The following ADGRV1 variants were observed in gnomAD, a reference collection of about 807,000 sequenced individuals.
The protein encoded by ADGRV1 is G-protein coupled receptor 98.
ADGRV1 carries 359 observed loss-of-function variants against 596.2 expected under a neutral mutation model. That is an observed-to-expected ratio of 0.60 (90% CI 0.55 to 0.66). ADGRV1 has a LOEUF of 0.66. Ranked by LOEUF, ADGRV1 falls within the 30% of genes least tolerant of loss-of-function variation. The pLI, the probability that ADGRV1 is intolerant of heterozygous loss-of-function variation, is 0.00. For missense variants in ADGRV1, 7,274 were observed against 7,575.6 expected, an observed-to-expected ratio of 0.96 and a Z score of 1.48; for synonymous variants, 2,681 against 2,679.2, an observed-to-expected ratio of 1.00 and a Z score of -0.02.
At chr5:90,579,554 A>G (rs1196161776) in intron 1 of ADGRV1, among the ~76,000 whole-genome samples, 1 of 152,090 alleles carries the variant, frequency 6.6e-6, no homozygotes, top group African/African-American at 2.4e-5. Context: ...AATAAGTGTG[A>G]TGTGGTGCTG....
intron 86 of ADGRV1, among the ~76,000 whole-genome samples, chr5:91,077,925 C>T (rs1788992943): frequency 6.6e-6 from 1 of 152,096 alleles, no homozygotes; most frequent in African/African-American, 2.4e-5. Flanking sequence ...AGGAATGATT[C>T]ATGGATCAGG....
rs150434508 is a variant in ADGRV1, at chr5:90,689,013, G to A, written c.6491-848G>A. Reference sequence around the variant, plus strand: ...GAAGACTGCCTACTTTGATAGTGCCGTCCCAGCATCCAGAGGGAGATTTGC... The same window carrying A: ...GAAGACTGCCTACTTTGATAGTGCCATCCCAGCATCCAGAGGGAGATTTGC... On this transcript the variant is annotated intron_variant, in intron 29 of 89. Transcript: ENST00000405460. Among the ~76,000 whole-genome samples, 439 of 152,218 alleles carry A rather than the reference G, an allele frequency of 2.9e-3. 1 individual carries two copies. Among genetic ancestry groups the A allele is most frequent in the African/African-American group, 9.4e-3 (389 of 41,546 alleles).
chr5:90,832,364 A>C (rs931398866), intron 77 of ADGRV1, among the ~76,000 whole-genome samples: 3 of 152,124 alleles, frequency 2.0e-5, no homozygotes, highest in African/African-American at 4.8e-5. Flanking sequence ...GATGTTGAGC[A>C]CCTTTTCTTA....
chr5:90,748,325 C>T (rs140559860), intron 52 of ADGRV1, among the ~76,000 whole-genome samples: 186 of 152,270 alleles, frequency 1.2e-3, no homozygotes, highest in African/African-American at 4.3e-3. Context: ...TTTAAGTTTC[C>T]TAGCAGCCTA....
chr5:90,984,497 C>T (rs373330649), intron 84 of ADGRV1, among the ~76,000 whole-genome samples: 132 of 151,986 alleles, frequency 8.7e-4, no homozygotes, highest in African/African-American at 3.1e-3. Flanking sequence ...CCCCTCATCC[C>T]CCTTCACTCT....
At chr5:91,070,193 A>T (rs80000295) in intron 85 of ADGRV1, among the ~76,000 whole-genome samples, 1 of 152,202 alleles carries the variant, frequency 6.6e-6, no homozygotes, top group East Asian at 1.9e-4. Flanking sequence ...TCATGTCCCA[A>T]ACCTTAGCAT....
At chr5:90,740,785 C>T (rs1306576672) in intron 50 of ADGRV1, among the ~76,000 whole-genome samples, 1 of 152,194 alleles carries the variant, frequency 6.6e-6, no homozygotes, top group Non-Finnish European at 1.5e-5. Flanking sequence ...TGAATGTCTG[C>T]CTCCAACTCA....
At chr5:90,935,758 G>T (rs542549952) in intron 83 of ADGRV1, among the ~76,000 whole-genome samples, 2 of 152,300 alleles carry the variant, frequency 1.3e-5, no homozygotes, top group South Asian at 4.1e-4. Flanking sequence ...TCGAGGCAGT[G>T]TTTCTTAGAA....
intron 85 of ADGRV1, among the ~76,000 whole-genome samples, chr5:91,042,772 A>G (rs965319204): frequency 2.6e-5 from 4 of 152,138 alleles, no homozygotes; most frequent in African/African-American, 9.7e-5. Context: ...AAAATTATGG[A>G]TGTCAGGATT....
Position 91,102,310 on chromosome 5 carries a change from G to A in ADGRV1, c.18402G>A (p.Leu6134=), listed in dbSNP as rs886042204. The A allele has an allele frequency of 6.2e-7, 1 of 1,603,646 alleles. No individual in the cohort carries two copies. ...TGGCCTACAGACACTTCTGGATGTT[G>A]GTTCTCTTTGTCATTTTCAACAGTC... is the stretch of plus-strand genomic sequence containing the variant. ...LHMAYRHFWM[L]VLFVIFNSLQ... is the part of the protein sequence containing the mutation. Residue 6134 remains leucine, a synonymous_variant, in exon 87 of 90, where the codon TTG becomes TTA. Transcript: ENST00000405460.
Position 90,853,264 on chromosome 5 carries a change from C to T in ADGRV1, c.17205-20C>T. On this transcript the variant is annotated intron_variant, in intron 79 of 89. Transcript: ENST00000405460. ...TCAAATACATGCCATTTTTACAGAC[C>T]CTTTGCTTTTCTGTTGTAGAAGCAA... 6.3e-7 allele frequency: 1 copy of T among 1,584,178 alleles called. No individual in the cohort carries two copies. Among genetic ancestry groups the T allele is most frequent in the Non-Finnish European group, 8.6e-7 (1 of 1,164,780 alleles).
chr5:91,084,880 C>T (rs1412957795), intron 86 of ADGRV1, among the ~76,000 whole-genome samples: 1 of 152,152 alleles, frequency 6.6e-6, no homozygotes, highest in Non-Finnish European at 1.5e-5. Context: ...ACATATACAC[C>T]ATGGAATACT....
intron 77 of ADGRV1, among the ~76,000 whole-genome samples, chr5:90,838,125 G>A (rs1394245850): frequency 6.6e-6 from 1 of 152,068 alleles, no homozygotes; most frequent in Non-Finnish European, 1.5e-5. Flanking sequence ...CTGTTATATA[G>A]TATTTCAGGG....
rs771682058 is a variant in ADGRV1, at chr5:90,716,696, C to A, written c.9414C>A (p.Gly3138=). The change falls in exon 43 of 90, where the codon GGC becomes GGA. Residue 3138 remains glycine, a synonymous_variant. Transcript: ENST00000405460. ...NESKDLTPSK[G]YIVLEEGVRF... ...CTAAAGATCTGACTCCTTCCAAAGG[C>A]TATATTGTTTTAGAAGAAGGTGTTC... The A allele has an allele frequency of 1.2e-6, 2 of 1,612,248 alleles. No individual in the cohort carries two copies. Among genetic ancestry groups the A allele is most frequent in the East Asian group, 2.2e-5 (1 of 44,850 alleles).
At chr5:90,643,112 T>C in intron 13 of ADGRV1, 71 bp downstream of exon 13, 2 of 1,270,122 alleles carry the variant, frequency 1.6e-6, no homozygotes, top group South Asian at 3.1e-5. Context: ...TGAATATAAA[T>C]ATTTTGAATA....
intron 85 of ADGRV1, among the ~76,000 whole-genome samples, chr5:90,986,873 G>T (rs894677187): frequency 6.6e-6 from 1 of 152,094 alleles, no homozygotes; most frequent in Non-Finnish European, 1.5e-5. Flanking sequence ...AGCAAGCCGT[G>T]GTGGCTAGCA....
chr5:91,069,499 T>A (rs907851612), intron 85 of ADGRV1, among the ~76,000 whole-genome samples: 2 of 152,066 alleles, frequency 1.3e-5, no homozygotes, highest in Non-Finnish European at 1.5e-5. Flanking sequence ...CCAACAAACA[T>A]ATGATAAAAT....
Position 90,637,831 on chromosome 5 carries a change from GC to G in ADGRV1, c.2127del (p.Phe710LeufsTer28). On this transcript the variant is annotated frameshift_variant, in exon 11 of 90. Transcript: ENST00000405460. LOFTEE classifies it high-confidence loss of function. ...AAAGCAGTGACCCCGGATGATATAG[GC>G]CCCTTTAATGGCTCTGTTTTGTTTT... ...NSKAVTPDDI[G>X]PFNGSVLFLS... is the part of the protein sequence containing the mutation. The G allele has an allele frequency of 1.2e-6, 2 of 1,613,634 alleles. No individual in the cohort carries two copies. The highest frequency in any genetic ancestry group is 1.7e-6 in the Non-Finnish European group (2 of 1,179,748).
In ADGRV1 at chr5:90,589,555, GTTGA is replaced by G. The variant is rs763077932; in HGVS notation, c.23-25277_23-25274del. 2.6e-3 allele frequency among the ~76,000 whole-genome samples: 399 copies of G among 152,274 alleles called. 1 individual carries two copies. Among genetic ancestry groups the G allele is most frequent in the Non-Finnish European group, 3.6e-3 (246 of 68,018 alleles). On this transcript the variant is annotated intron_variant, in intron 1 of 89. Transcript: ENST00000405460. ...TTTGTTTCAATGTCTATATGCTTGT[GTTGA>G]TTAAGTGATATTTTTGCCTTTTTTA...
Sources: gnomAD v4.1 joint callset for allele counts (sites outside exome capture counted in the v4.1 genomes callset) on GRCh38, gnomAD v4.1.1 for gene constraint, MANE v1.5 for transcripts, NCBI Gene and HGNC (gene_info 2026-07-23, HGNC 2026-07-21) for gene names.